POFUT3: variants seen among roughly 807,000 people sequenced by gnomAD.
POFUT3 encodes GDP-fucose protein O-fucosyltransferase 3.
the POFUT3 span, chr8:33,372,793 G>A: frequency 1.2e-6 from 2 of 1,613,798 alleles, no homozygotes; most frequent in South Asian, 2.2e-5. Context: ...CCCATCTTTT[G>A]GGTGGTAAGC....
At chr8:33,386,683 G>A in the POFUT3 span, among the ~76,000 whole-genome samples, 1 of 152,078 alleles carries the variant, frequency 6.6e-6, no homozygotes, top group Non-Finnish European at 1.5e-5. Flanking sequence ...GGTGGCGGGT[G>A]CCTGTAGTCC....
chr8:33,392,147 C>T, the POFUT3 span, among the ~76,000 whole-genome samples: 7 of 152,096 alleles, frequency 4.6e-5, no homozygotes, highest in African/African-American at 1.7e-4. Flanking sequence ...AAAGCATTTC[C>T]TGGTAACTTC....
chr8:33,343,989 A>G, the POFUT3 span, among the ~76,000 whole-genome samples: 3 of 152,194 alleles, frequency 2.0e-5, no homozygotes, highest in African/African-American at 7.2e-5. Context: ...TTGCCTATGC[A>G]AATCATTACC....
chr8:33,467,251 C>T, the POFUT3 span, among the ~76,000 whole-genome samples: 149 of 117,552 alleles, frequency 1.3e-3, no homozygotes, highest in East Asian at 0.034. Context: ...CCAGCCTGGG[C>T]GACGGAGCGA....
chr8:33,455,754 C>T, the POFUT3 span: 1 of 451,626 alleles, frequency 2.2e-6, no homozygotes, highest in East Asian at 7.0e-5. Flanking sequence ...CCGCTTTTAG[C>T]AGCCAAGAGT....
At chr8:33,387,953 T>G in the POFUT3 span, among the ~76,000 whole-genome samples, 3,228 of 152,302 alleles carry the variant, frequency 0.021, 109 homozygotes, top group African/African-American at 0.072. Flanking sequence ...ATCTTTTTCT[T>G]TCAACAAATT....
At chr8:33,459,107 A>C in the POFUT3 span, among the ~76,000 whole-genome samples, 1 of 152,170 alleles carries the variant, frequency 6.6e-6, no homozygotes, top group Non-Finnish European at 1.5e-5. Context: ...TGGGAGAACA[A>C]GGCAGGTGGA....
the POFUT3 span, among the ~76,000 whole-genome samples, chr8:33,324,324 C>G: frequency 6.6e-6 from 1 of 152,158 alleles, no homozygotes; most frequent in African/African-American, 2.4e-5. Context: ...CTTCCCCTCT[C>G]TGTCCTTTTA....
the POFUT3 span, chr8:33,389,608 A>G: frequency 6.2e-7 from 1 of 1,614,064 alleles, no homozygotes; most frequent in Non-Finnish European, 8.5e-7. Context: ...TCAGGACTTC[A>G]ATGCTCTCCA....
At chr8:33,360,229 G>C in the POFUT3 span, among the ~76,000 whole-genome samples, 2 of 152,028 alleles carry the variant, frequency 1.3e-5, no homozygotes, top group Admixed American at 1.3e-4. Flanking sequence ...CGGATCGTGA[G>C]GTCAGGAGAT....
At chr8:33,439,547 C>T in the POFUT3 span, among the ~76,000 whole-genome samples, 2 of 151,964 alleles carry the variant, frequency 1.3e-5, no homozygotes. Context: ...TAAAACCTCC[C>T]GATATTTTCC....
At chr8:33,422,385 A>C in the POFUT3 span, among the ~76,000 whole-genome samples, 1 of 151,826 alleles carries the variant, frequency 6.6e-6, no homozygotes, top group Admixed American at 6.6e-5. Context: ...TCTACTAAAA[A>C]TACAAAATTA....
At chr8:33,330,575 T>C in the POFUT3 span, among the ~76,000 whole-genome samples, 19 of 152,234 alleles carry the variant, frequency 1.2e-4, no homozygotes, top group Admixed American at 9.2e-4. Context: ...CTTGTTGGCC[T>C]GATAATTTAC....
At chr8:33,458,472 T>G in the POFUT3 span, among the ~76,000 whole-genome samples, 1 of 152,140 alleles carries the variant, frequency 6.6e-6, no homozygotes. Flanking sequence ...ACCAACATTT[T>G]GGGAGGCCAA....
the POFUT3 span, among the ~76,000 whole-genome samples, chr8:33,324,130 T>C: frequency 6.6e-6 from 1 of 152,040 alleles, no homozygotes. Flanking sequence ...AGCTGGGATG[T>C]AGTAAGAAGC....
At chr8:33,347,751 C>T in the POFUT3 span, among the ~76,000 whole-genome samples, 10 of 152,260 alleles carry the variant, frequency 6.6e-5, no homozygotes, top group East Asian at 3.9e-4. Flanking sequence ...AATATGTAAA[C>T]GGATTCTAAA....
chr8:33,315,048 C>A, the POFUT3 span, among the ~76,000 whole-genome samples: 1 of 152,180 alleles, frequency 6.6e-6, no homozygotes, highest in African/African-American at 2.4e-5. Context: ...GCTTATCAGA[C>A]TGCACATTTA....
the POFUT3 span, among the ~76,000 whole-genome samples, chr8:33,410,430 C>A: frequency 6.6e-6 from 1 of 152,262 alleles, no homozygotes; most frequent in Non-Finnish European, 1.5e-5. Flanking sequence ...CGCCGGGCAG[C>A]CCCGAGATAG....
At chr8:33,313,028 T>C in the POFUT3 span, among the ~76,000 whole-genome samples, 51,653 of 152,016 alleles carry the variant, frequency 0.34, 9,394 homozygotes, top group East Asian at 0.66. Context: ...ACTGAGTACA[T>C]ACTCTGTGCC....
Sources: allele counts gnomAD v4.1 joint callset (sites outside exome capture counted in the v4.1 genomes callset), GRCh38; gene constraint gnomAD v4.1.1; transcripts MANE v1.5; gene names NCBI Gene and HGNC (gene_info 2026-07-23, HGNC 2026-07-21).